WASHC2C: variants seen among roughly 807,000 people sequenced by gnomAD.
WASHC2C encodes WASH complex subunit 2C.
Under a neutral mutation model 142.2 loss-of-function variants are expected in WASHC2C, and 73 were observed. That is an observed-to-expected ratio of 0.51 (90% CI 0.43 to 0.62). The LOEUF (loss-of-function observed/expected upper bound fraction) is 0.62. Ranked by LOEUF, WASHC2C falls within the 20% of genes least tolerant of loss-of-function variation. The pLI, the probability that WASHC2C is intolerant of heterozygous loss-of-function variation, is 0.00. For missense variants in WASHC2C, 969 were observed against 1,531.7 expected, an observed-to-expected ratio of 0.63 and a Z score of 6.13; for synonymous variants, 337 against 565.5, an observed-to-expected ratio of 0.60 and a Z score of 5.73.
At chr10:45,764,348 A>T (rs2055523108) in intron 18 of WASHC2C, among the ~76,000 whole-genome samples, 1 of 151,158 alleles carries the variant, frequency 6.6e-6, no homozygotes, top group Admixed American at 6.6e-5. Flanking sequence ...CAAATGTCCA[A>T]AAAAATTTTC....
intron 3 of WASHC2C, among the ~76,000 whole-genome samples, chr10:45,730,943 G>A (rs1262361497): frequency 5.3e-5 from 8 of 151,194 alleles, no homozygotes; most frequent in East Asian, 2.0e-4. Context: ...TGTACCCAGT[G>A]TGCCTGTACC....
intron 7 of WASHC2C, 165 bp downstream of exon 7, chr10:45,745,047 A>C (rs2052640274): frequency 5.3e-6 from 1 of 188,732 alleles, no homozygotes. Flanking sequence ...CAAGGGTTAG[A>C]TTTCCTTTTT....
At chr10:45,758,630 C>T (rs2054636454) in intron 16 of WASHC2C, among the ~76,000 whole-genome samples, 1 of 139,426 alleles carries the variant, frequency 7.2e-6, no homozygotes, top group African/African-American at 2.7e-5. Context: ...TTTTGTGAGA[C>T]AGGGTCTTGC....
rs545300404 is a variant in WASHC2C at position 45,763,819 on chromosome 10, G to A, written c.1737+330G>A. 7.9e-4 allele frequency among the ~76,000 whole-genome samples: 119 copies of A among 151,202 alleles called. No homozygotes were observed. The Middle Eastern group carries it at 0.014, about 18-fold the overall frequency. Reference sequence around the variant, plus strand: ...CGGGTTCAGGTGATTCTCCTGCCTCGACCTCCCAAGTAGCTGGGACTACAG... The same window carrying A: ...CGGGTTCAGGTGATTCTCCTGCCTCAACCTCCCAAGTAGCTGGGACTACAG... On this transcript the variant is annotated intron_variant, in intron 18 of 30. Transcript: ENST00000623400.
Position 45,777,412 on chromosome 10 carries a change from C to T in WASHC2C, c.2282C>T (p.Ala761Val). The T allele has an allele frequency of 1.2e-6, 2 of 1,610,076 alleles. No homozygotes were observed. Among genetic ancestry groups the T allele is most frequent in the Non-Finnish European group, 1.7e-6 (2 of 1,178,344 alleles). Residue 761 changes from alanine to valine, a missense_variant, in exon 22 of 31, where the codon GCT (alanine) becomes GTT (valine). Transcript: ENST00000623400. ...ESLKFGRTDV[A>V]ESEKEGLLTR... ...TTAAAATTTGGGAGAACTGATGTGG[C>T]TGAGTCAGAAAAGGTGGACTTTTTT...
intron 23 of WASHC2C, among the ~76,000 whole-genome samples, chr10:45,784,285 T>TATACACACACACATATATATATATATAA (rs1554889005): frequency 1.3e-4 from 1 of 7,610 alleles, no homozygotes; most frequent in Admixed American, 2.9e-3. Flanking sequence ...TATATATATA[T>TATACACACACACATATATATATATATAA]ATATACACAT....
chr10:45,750,265 T>A, intron 9 of WASHC2C, 59 bp downstream of exon 9: 1 of 1,569,536 alleles, frequency 6.4e-7, no homozygotes, highest in Non-Finnish European at 8.7e-7. Flanking sequence ...GACTTGTTTT[T>A]CTTTTTATTG....
chr10:45,785,240 T>C (rs1257349313), intron 25 of WASHC2C, among the ~76,000 whole-genome samples: 1 of 152,198 alleles, frequency 6.6e-6, no homozygotes, highest in Non-Finnish European at 1.5e-5. Flanking sequence ...AAGCTTTGAA[T>C]CTGAGTTTTA....
At position 45,752,688 on chromosome 10, in the gene WASHC2C, T is replaced by C; in HGVS notation, c.1104T>C (p.Phe368=). The part of the protein sequence containing the change: ...GGLFSGGKGL[F]DDEDEESDLF... ...TGTTCAGTGGCGGCAAGGGGCTATT[T>C]GATGATGAGGACGAGGAGGTGAGTC... is the stretch of plus-strand genomic sequence containing the variant. Residue 368 remains phenylalanine, a synonymous_variant, in exon 12 of 31, where the codon TTT becomes TTC. Coordinates refer to ENST00000623400, the MANE Select transcript of WASHC2C (RefSeq NM_001330074.2). 1 of 1,610,116 alleles carries C rather than the reference T, an allele frequency of 6.2e-7. No individual in the cohort carries two copies. The highest frequency in any genetic ancestry group is 8.5e-7 in the Non-Finnish European group (1 of 1,179,300).
In WASHC2C at chr10:45,765,749, C is replaced by A; in HGVS notation, c.1808C>A (p.Ala603Glu). The A allele has an allele frequency of 4.3e-6, 7 of 1,611,994 alleles. No homozygotes were observed. Among genetic ancestry groups the A allele is most frequent in the Non-Finnish European group, 5.9e-6 (7 of 1,179,858 alleles). ...CTACAAGCTCAGAGAGAAGAGAAAG[C>A]AAAAGCCTCCGAGCTCTCCAAAAAG... Reference protein sequence around the residue: ...LSLQAQREEKAKASELSKKKA... With the variant: ...LSLQAQREEKEKASELSKKKA... The change falls in exon 19 of 31, where the codon GCA becomes GAA. Residue 603 changes from alanine (A) to glutamate (E), a missense_variant. By Grantham distance (107) the Ala-to-Glu change is moderately radical. Coordinates refer to ENST00000623400, the MANE Select transcript of WASHC2C (RefSeq NM_001330074.2).
chr10:45,760,974 C>A (rs1404973152), intron 17 of WASHC2C, among the ~76,000 whole-genome samples: 1 of 151,706 alleles, frequency 6.6e-6, no homozygotes, highest in Non-Finnish European at 1.5e-5. Flanking sequence ...ACAAGAAAAC[C>A]AAATGTGAGC....
chr10:45,790,300 G>C (rs2058325565), intron 29 of WASHC2C, 56 bp from the exon 30 acceptor site: 4 of 1,609,218 alleles, frequency 2.5e-6, no homozygotes, highest in Non-Finnish European at 3.4e-6. Context: ...ACGTGTTTGA[G>C]TTTAAAAAGA....
intron 8 of WASHC2C, among the ~76,000 whole-genome samples, chr10:45,747,514 C>T (rs1267882879): frequency 1.3e-5 from 2 of 152,200 alleles, no homozygotes; most frequent in Non-Finnish European, 2.9e-5. Flanking sequence ...GAGTATGATA[C>T]TGTCATAGTC....
In WASHC2C at chr10:45,789,305, T is replaced by C; in HGVS notation, c.3522T>C (p.Ala1174=). The C allele has an allele frequency of 6.2e-7, 1 of 1,612,034 alleles. No homozygotes were observed. Among genetic ancestry groups the C allele is most frequent in the Non-Finnish European group, 8.5e-7 (1 of 1,179,854 alleles). ...GGKAKSPMFP[A]LGEASSDDDL... ...AAGCAAAGAGCCCCATGTTTCCTGC[T>C]CTAGGCGAGGCCAGCAGTGATGATG... is the stretch of plus-strand genomic sequence containing the variant. Residue 1174 remains alanine, a synonymous_variant, in exon 29 of 31, where the codon GCT becomes GCC. Coordinates refer to ENST00000623400, the MANE Select transcript of WASHC2C (RefSeq NM_001330074.2).
At chr10:45,768,376 T>G (rs111393655) in intron 19 of WASHC2C, among the ~76,000 whole-genome samples, 1 of 152,136 alleles carries the variant, frequency 6.6e-6, no homozygotes, top group Non-Finnish European at 1.5e-5. Flanking sequence ...ATTTCAGCGT[T>G]TAGTCACTGC....
intron 3 of WASHC2C, among the ~76,000 whole-genome samples, chr10:45,730,417 G>A (rs1241997097): frequency 5.5e-5 from 8 of 145,694 alleles, no homozygotes; most frequent in African/African-American, 2.0e-4. Context: ...TCCATGCTTG[G>A]TCCTGACTAT....
rs2058324010 is a variant in WASHC2C at position 45,790,282 on chromosome 10, G to A, written c.3709-74G>A. The A allele has an allele frequency of 4.4e-6, 7 of 1,606,062 alleles. No homozygotes were observed. The African/African-American group carries it at 8.1e-5, about 19-fold the overall frequency. On this transcript the variant is annotated intron_variant, in intron 29 of 30. Coordinates refer to ENST00000623400, the MANE Select transcript of WASHC2C (RefSeq NM_001330074.2). Reference sequence around the variant, plus strand: ...CACCCTGGCCAATTGCATTTCCATAGCTTGTTGACGTGTTTGAGTTTAAAA... The same window carrying A: ...CACCCTGGCCAATTGCATTTCCATAACTTGTTGACGTGTTTGAGTTTAAAA...
chr10:45,763,016 C>T (rs1253613640), intron 17 of WASHC2C, among the ~76,000 whole-genome samples: 1 of 152,034 alleles, frequency 6.6e-6, no homozygotes, highest in Non-Finnish European at 1.5e-5. Context: ...TTTATTGACC[C>T]TGTCTAATCT....
chr10:45,756,708 T>C (rs2054343268), intron 15 of WASHC2C, among the ~76,000 whole-genome samples: 1 of 152,234 alleles, frequency 6.6e-6, no homozygotes, highest in African/African-American at 2.4e-5. Flanking sequence ...TCTTTCTTCC[T>C]CTAGATCTCT....
Sources: gnomAD v4.1 joint callset for allele counts (sites outside exome capture counted in the v4.1 genomes callset) on GRCh38, gnomAD v4.1.1 for gene constraint, MANE v1.5 for transcripts, NCBI Gene and HGNC (gene_info 2026-07-23, HGNC 2026-07-21) for gene names.